LTBP1: variants seen among roughly 807,000 people sequenced by gnomAD.
LTBP1 encodes the protein latent transforming growth factor beta binding protein 1, also known as latent-transforming growth factor beta-binding protein 1.
Under a neutral mutation model 207.6 loss-of-function variants are expected in LTBP1, and 129 were observed. The observed-to-expected ratio is 0.62, with a 90% CI of 0.54 to 0.72. LTBP1 has a LOEUF of 0.72. Among genes scored for constraint, LTBP1 ranks in the 30% least tolerant of loss-of-function variants. The pLI, the probability that LTBP1 is intolerant of heterozygous loss-of-function variation, is 0.00. For synonymous variants in LTBP1, 963 were observed against 833.7 expected (o/e 1.16, Z -2.67); for missense variants, 2,281 against 2,217.2 (o/e 1.03, Z -0.58).
chr2:33,187,737 A>G (rs914356705), intron 6 of LTBP1, among the ~76,000 whole-genome samples: 17 of 152,366 alleles, frequency 1.1e-4, no homozygotes, highest in Admixed American at 8.5e-4. Flanking sequence ...TGTTATAGAT[A>G]TAAAATAATG....
chr2:33,201,650 G>GA (rs756094725), intron 7 of LTBP1, among the ~76,000 whole-genome samples: 2 of 146,906 alleles, frequency 1.4e-5, no homozygotes, highest in Non-Finnish European at 3.0e-5. Context: ...AAAAGAAGAA[G>GA]AAAAAAAAAG....
chr2:33,104,598 T>G (rs2079946681), intron 3 of LTBP1, among the ~76,000 whole-genome samples: 1 of 152,218 alleles, frequency 6.6e-6, no homozygotes, highest in Non-Finnish European at 1.5e-5. Flanking sequence ...CGATCCTTGT[T>G]TTTCTCCTCT....
intron 3 of LTBP1, among the ~76,000 whole-genome samples, chr2:33,058,465 C>A (rs1454428468): frequency 2.6e-5 from 4 of 152,178 alleles, no homozygotes; most frequent in East Asian, 1.9e-4. Context: ...AAACGTAGTA[C>A]CTTCCACTGA....
intron 7 of LTBP1, among the ~76,000 whole-genome samples, chr2:33,204,909 A>C (rs1348124596): frequency 6.6e-6 from 1 of 152,218 alleles, no homozygotes; most frequent in East Asian, 1.9e-4. Flanking sequence ...TGGTATTTCC[A>C]AGACAATAGC....
chr2:33,067,234 G>A (rs1423869489), intron 3 of LTBP1, among the ~76,000 whole-genome samples: 1 of 152,190 alleles, frequency 6.6e-6, no homozygotes, highest in African/African-American at 2.4e-5. Flanking sequence ...TGAAGACTGA[G>A]TGGCTTTGGA....
intron 9 of LTBP1, among the ~76,000 whole-genome samples, chr2:33,224,874 T>C (rs1261726710): frequency 1.3e-5 from 2 of 152,230 alleles, no homozygotes; most frequent in Non-Finnish European, 2.9e-5. Context: ...GTTATTTGTT[T>C]TGTTGAAAAC....
chr2:33,115,497 C>T (rs1291088882), intron 4 of LTBP1, among the ~76,000 whole-genome samples: 4 of 151,986 alleles, frequency 2.6e-5, no homozygotes, highest in Admixed American at 1.3e-4. Flanking sequence ...AATTCTGTGG[C>T]ATGTGAATCA....
intron 4 of LTBP1, 73 bp downstream of exon 4, chr2:33,110,824 C>T (rs936337400): frequency 2.9e-5 from 40 of 1,384,966 alleles, no homozygotes; most frequent in East Asian, 9.5e-5. Flanking sequence ...TCAGTGTAGA[C>T]GGCTTTAATG....
At chr2:32,952,798 AC>A (rs560194065) in intron 2 of LTBP1, among the ~76,000 whole-genome samples, 105 of 152,332 alleles carry the variant, frequency 6.9e-4, no homozygotes, top group African/African-American at 2.1e-3. Context: ...AATAGGCAAT[AC>A]AAAAGAATGA....
At chr2:33,249,351 A>ACACACG (rs2092613843) in intron 10 of LTBP1, among the ~76,000 whole-genome samples, 1 of 151,756 alleles carries the variant, frequency 6.6e-6, no homozygotes, top group Non-Finnish European at 1.5e-5. Context: ...ACACACACAC[A>ACACACG]CACACACACA....
intron 3 of LTBP1, among the ~76,000 whole-genome samples, chr2:33,103,328 G>A (rs1011740431): frequency 6.6e-6 from 1 of 151,730 alleles, no homozygotes; most frequent in African/African-American, 2.4e-5. Context: ...TCTTTATGCC[G>A]TATGCATTGT....
At chr2:33,308,078 C>A (rs547211308) in intron 22 of LTBP1, among the ~76,000 whole-genome samples, 24 of 152,292 alleles carry the variant, frequency 1.6e-4, no homozygotes, top group African/African-American at 5.3e-4. Flanking sequence ...ATGCCAAGTT[C>A]TGAGAAAACA....
intron 3 of LTBP1, among the ~76,000 whole-genome samples, chr2:33,098,663 T>A (rs1249757044): frequency 6.6e-6 from 1 of 152,104 alleles, no homozygotes; most frequent in Non-Finnish European, 1.5e-5. Context: ...GGTCTCGAAC[T>A]CCTGACCTCA....
At chr2:33,276,578 C>T (rs560841769) in intron 18 of LTBP1, among the ~76,000 whole-genome samples, 13 of 152,322 alleles carry the variant, frequency 8.5e-5, no homozygotes, top group East Asian at 1.9e-4. Context: ...AGGCCAGGCA[C>T]GGTGGCTCAC....
At position 33,181,518 on chromosome 2, in the gene LTBP1, A is replaced by T. The variant is rs551649030; in HGVS notation, c.1202-5338A>T. On this transcript the variant is annotated intron_variant, in intron 5 of 33. Transcript: ENST00000404816. ...ACCTTTTACAGTTGTACCGTGAGAT[A>T]CTTTGAGTGACCGTCACAAAATTAC... Among the ~76,000 whole-genome samples, 9 of 152,336 alleles carry T rather than the reference A, an allele frequency of 5.9e-5. 2 individuals are homozygous for T. Among genetic ancestry groups the T allele is most frequent in the African/African-American group, 2.2e-4 (9 of 41,582 alleles).
At chr2:33,248,791 T>G (rs2149870190) in intron 10 of LTBP1, among the ~76,000 whole-genome samples, 1 of 152,244 alleles carries the variant, frequency 6.6e-6, no homozygotes, top group East Asian at 1.9e-4. Flanking sequence ...TTCACCATGT[T>G]GGCCAGGCTG....
chr2:33,102,492 C>A (rs141639062), intron 3 of LTBP1, among the ~76,000 whole-genome samples: 2 of 152,254 alleles, frequency 1.3e-5, no homozygotes, highest in African/African-American at 4.8e-5. Flanking sequence ...TTCTTAATGA[C>A]CATTACTAAA....
At chr2:33,200,566 G>A (rs2089119842) in intron 7 of LTBP1, among the ~76,000 whole-genome samples, 1 of 152,060 alleles carries the variant, frequency 6.6e-6, no homozygotes, top group Non-Finnish European at 1.5e-5. Context: ...ATAGGCTTGG[G>A]CAAGGACTTC....
At chr2:33,318,567 A>G (rs189408210) in intron 24 of LTBP1, among the ~76,000 whole-genome samples, 1 of 152,294 alleles carries the variant, frequency 6.6e-6, no homozygotes, top group East Asian at 1.9e-4. Flanking sequence ...TGTCATATAT[A>G]ATATAATACA....
Sources: allele counts gnomAD v4.1 joint callset (sites outside exome capture counted in the v4.1 genomes callset), GRCh38; gene constraint gnomAD v4.1.1; transcripts MANE v1.5; gene names NCBI Gene and HGNC (gene_info 2026-07-23, HGNC 2026-07-21).